ABLIM1: variants seen among roughly 807,000 people sequenced by gnomAD.
ABLIM1 encodes actin-binding LIM protein 1.
In ABLIM1, 40 loss-of-function variants were observed where a neutral mutation model predicts 107.0. The observed-to-expected ratio is 0.37, with a 90% CI of 0.29 to 0.49. The LOEUF (loss-of-function observed/expected upper bound fraction) is 0.49. Among genes scored for constraint, ABLIM1 ranks in the 20% least tolerant of loss-of-function variants. The probability of loss-of-function intolerance (pLI) is 0.97; values close to 1 mark genes in which losing one functional copy is unlikely to be tolerated. For synonymous variants in ABLIM1, 357 were observed against 357.3 expected, an observed-to-expected ratio of 1.00 and a Z score of 0.01; for missense variants, 857 against 1,008.5, an observed-to-expected ratio of 0.85 and a Z score of 2.04.
chr10:114,653,980 G>A (rs1248173581), intron 1 of ABLIM1, among the ~76,000 whole-genome samples: 1 of 152,362 alleles, frequency 6.6e-6, no homozygotes, highest in Non-Finnish European at 1.5e-5. Flanking sequence ...CTCAAAGCAG[G>A]GATTGAGCAC....
At chr10:114,493,574 T>C (rs2059287094) in intron 6 of ABLIM1, among the ~76,000 whole-genome samples, 1 of 152,202 alleles carries the variant, frequency 6.6e-6, no homozygotes, top group Non-Finnish European at 1.5e-5. Context: ...AGATCACGAA[T>C]ACAAAAATTA....
chr10:114,617,197 G>A (rs1042008269), intron 1 of ABLIM1, among the ~76,000 whole-genome samples: 3 of 151,718 alleles, frequency 2.0e-5, no homozygotes, highest in East Asian at 1.9e-4. Context: ...AATCCTGGCC[G>A]AAGGCAGTTG....
chr10:114,692,610 G>A (rs940444703), intron 1 of ABLIM1, among the ~76,000 whole-genome samples: 2 of 152,182 alleles, frequency 1.3e-5, no homozygotes, highest in African/African-American at 2.4e-5. Flanking sequence ...TAAAAAAACG[G>A]GTCAGGAGTG....
At chr10:114,663,229 G>T (rs1353874202), upstream of ABLIM1, among the ~76,000 whole-genome samples, 2 of 152,106 alleles carry the variant, frequency 1.3e-5, no homozygotes, top group Non-Finnish European at 2.9e-5. Context: ...CTCCATACAG[G>T]CTTCCAGAAT....
chr10:114,585,757 G>A (rs1204653467), intron 2 of ABLIM1, among the ~76,000 whole-genome samples: 3 of 152,024 alleles, frequency 2.0e-5, no homozygotes, highest in Non-Finnish European at 4.4e-5. Context: ...CCCCTCTCAG[G>A]TTCACCCTCA....
intron 14 of ABLIM1, 82 bp downstream of exon 14, chr10:114,451,542 G>C: frequency 7.5e-7 from 1 of 1,327,892 alleles, no homozygotes; most frequent in African/African-American, 1.4e-5. Context: ...AGCAGCAGCA[G>C]GAAAAGCCTT....
At chr10:114,458,062 G>A (rs1202944767) in intron 12 of ABLIM1, among the ~76,000 whole-genome samples, 2 of 151,864 alleles carry the variant, frequency 1.3e-5, no homozygotes, top group Non-Finnish European at 2.9e-5. Context: ...AACAAAGTGA[G>A]ATTCTGCCTC....
chr10:114,602,692 A>C (rs2076111967), intron 1 of ABLIM1, among the ~76,000 whole-genome samples: 1 of 152,232 alleles, frequency 6.6e-6, no homozygotes, highest in Non-Finnish European at 1.5e-5. Context: ...CCTTTCCCAT[A>C]AAACAAAGGG....
chr10:114,740,882 A>T (rs1336716371), intron 1 of ABLIM1, among the ~76,000 whole-genome samples: 1 of 151,854 alleles, frequency 6.6e-6, no homozygotes, highest in Admixed American at 6.6e-5. Context: ...CATATCTACT[A>T]AAAATACAAA....
intron 1 of ABLIM1, among the ~76,000 whole-genome samples, chr10:114,664,510 AT>A (rs766057629): frequency 2.0e-5 from 3 of 152,060 alleles, no homozygotes; most frequent in African/African-American, 7.2e-5. Context: ...GTCTTTTTAA[AT>A]TTTTTTAACG....
intron 1 of ABLIM1, among the ~76,000 whole-genome samples, chr10:114,710,047 T>G (rs75453768): frequency 0.068 from 10,381 of 152,098 alleles, 485 homozygotes; most frequent in Non-Finnish European, 0.098. Flanking sequence ...TGGGCAAGAG[T>G]TGTCATGCAA....
In ABLIM1 at chr10:114,674,351, G is replaced by C. The variant is rs1483937544; in HGVS notation, c.64+9939C>G. Among the ~76,000 whole-genome samples, 3 of 151,872 alleles carry C rather than the reference G, an allele frequency of 2.0e-5. No homozygotes were observed. In the South Asian group the frequency reaches 6.2e-4, roughly 32 times the overall value. ...GAGAGACCTTTTGTACACACCTTTGGTCTCAATTCCTAAGAATCAGTTTAG... is the reference window on the plus strand; with the variant it reads ...GAGAGACCTTTTGTACACACCTTTGCTCTCAATTCCTAAGAATCAGTTTAG... On this transcript the variant is annotated intron_variant, in intron 1 of 23. Transcript: ENST00000369256.
intron 1 of ABLIM1, among the ~76,000 whole-genome samples, chr10:114,703,697 A>G (rs1017997445): frequency 3.9e-5 from 6 of 152,206 alleles, no homozygotes; most frequent in African/African-American, 1.4e-4. Context: ...TCCACACATT[A>G]CATGCTCTAT....
At chr10:114,672,493 C>T (rs542762311) in intron 1 of ABLIM1, among the ~76,000 whole-genome samples, 6 of 152,098 alleles carry the variant, frequency 3.9e-5, no homozygotes, top group South Asian at 4.2e-4. Context: ...GAGCCACCCA[C>T]GCCTGGCCAG....
chr10:114,487,876 TA>T, intron 8 of ABLIM1, 81 bp downstream of exon 8: 1 of 1,542,704 alleles, frequency 6.5e-7, no homozygotes, highest in Non-Finnish European at 9.0e-7. Context: ...TAATTTCACC[TA>T]AACCCTAGCC....
chr10:114,628,732 AT>A (rs1259674161), intron 1 of ABLIM1, among the ~76,000 whole-genome samples: 3 of 152,230 alleles, frequency 2.0e-5, no homozygotes, highest in African/African-American at 4.8e-5. Flanking sequence ...AACCATAAGC[AT>A]TCTTTATTAC....
At chr10:114,700,531 T>C (rs1364796009) in intron 1 of ABLIM1, among the ~76,000 whole-genome samples, 1 of 150,634 alleles carries the variant, frequency 6.6e-6, no homozygotes, top group Non-Finnish European at 1.5e-5. Context: ...CACTCAAAGA[T>C]GGAGAACTTA....
chr10:114,590,769 A>T (rs147591457), intron 2 of ABLIM1, among the ~76,000 whole-genome samples: 1 of 152,160 alleles, frequency 6.6e-6, no homozygotes, highest in Non-Finnish European at 1.5e-5. Context: ...GAAGAAGTCA[A>T]TTTGAAGGTA....
At chr10:114,703,914 C>T (rs1400964053) in intron 1 of ABLIM1, among the ~76,000 whole-genome samples, 1 of 152,140 alleles carries the variant, frequency 6.6e-6, no homozygotes, top group African/African-American at 2.4e-5. Context: ...CACTCCTTTT[C>T]AGCATCAATG....
Sources: allele counts gnomAD v4.1 joint callset (sites outside exome capture counted in the v4.1 genomes callset), GRCh38; gene constraint gnomAD v4.1.1; transcripts MANE v1.5; gene names NCBI Gene and HGNC (gene_info 2026-07-23, HGNC 2026-07-21).